Variants in NLRP4 observed in about 807,000 individuals in gnomAD.
NLRP4 encodes NACHT, LRR and PYD domains-containing protein 4.
A neutral mutation model predicts 84.7 loss-of-function variants in NLRP4; 44 were observed. The observed-to-expected ratio is 0.52, with a 90% CI of 0.41 to 0.67. The LOEUF (loss-of-function observed/expected upper bound fraction) is 0.67. NLRP4 is among the 30% of genes least tolerant of loss of function. NLRP4 has a pLI of 0.00. For synonymous variants in NLRP4, 544 were observed against 476.4 expected (o/e 1.14, Z -1.85); for missense variants, 1,260 against 1,219.4 (o/e 1.03, Z -0.50).
chr19:55,838,733 C>A (rs1983492620), intron 1 of NLRP4, among the ~76,000 whole-genome samples: 1 of 152,096 alleles, frequency 6.6e-6, no homozygotes, highest in South Asian at 2.1e-4. Flanking sequence ...GATTTGTACA[C>A]ATTGTACAAA....
At chr19:55,879,427 G>A (rs1251008867) in intron 9 of NLRP4, among the ~76,000 whole-genome samples, 2 of 152,142 alleles carry the variant, frequency 1.3e-5, no homozygotes, top group Non-Finnish European at 2.9e-5. Context: ...TCTACATAGG[G>A]CATGAAAAAC....
chr19:55,847,137 A>G (rs1297659464), intron 1 of NLRP4, among the ~76,000 whole-genome samples: 1 of 149,524 alleles, frequency 6.7e-6, no homozygotes, highest in Non-Finnish European at 1.5e-5. Flanking sequence ...TTTTCTCCAA[A>G]TTACCTATTT....
chr19:55,864,663 G>T (rs1418816329), intron 5 of NLRP4, among the ~76,000 whole-genome samples: 2 of 152,142 alleles, frequency 1.3e-5, no homozygotes, highest in Non-Finnish European at 2.9e-5. Flanking sequence ...GCACAATTCT[G>T]TATTCCTACC....
rs1402575371 is a variant in NLRP4 at position 55,859,349 on chromosome 19, A to G, written c.1856+100A>G. On this transcript the variant is annotated intron_variant, in intron 3 of 9. Transcript: ENST00000301295. ...GTTTAATATAGGATCATGGTTAGAAACTCATTTTTTCTGCCACAAAACCTC... is the reference window on the plus strand; with the variant it reads ...GTTTAATATAGGATCATGGTTAGAAGCTCATTTTTTCTGCCACAAAACCTC... The G allele has an allele frequency of 6.2e-6, 6 of 962,392 alleles. No individual in the cohort carries two copies. In the Admixed American group the frequency reaches 1.5e-4, roughly 24 times the overall value. The allele number at this position is 962,392 out of a possible 1,614,324, so 59.6% of individuals were successfully genotyped here.
Position 55,850,732 on chromosome 19 carries a change from AGGCTGCGGTGTAC to A in NLRP4, c.-65-1283_-65-1271del, listed in dbSNP as rs1568659264. On this transcript the variant is annotated intron_variant, in intron 1 of 9. Transcript: ENST00000301295. ...TCCCGAGGCTGCGGTGTACTTTCCG[AGGCTGCGGTGTAC>A]TTCCCGAGGCTGCGGTGTAATTTCC... Among the ~76,000 whole-genome samples the A allele has an allele frequency of 9.8e-5, 11 of 112,456 alleles. 2 individuals carry two copies. Among genetic ancestry groups the A allele is most frequent in the Admixed American group, 2.8e-4 (3 of 10,602 alleles). 73.8% of individuals were successfully genotyped at this position (112,456 alleles called of 152,430 possible).
At chr19:55,867,903 G>A in intron 6 of NLRP4, 27 bp downstream of exon 6, 2 of 1,606,994 alleles carry the variant, frequency 1.2e-6, no homozygotes, top group Non-Finnish European at 1.7e-6. Flanking sequence ...GGTGCCTACT[G>A]TGGAGGGCCA....
At chr19:55,847,716 C>CTT (rs550137661) in intron 1 of NLRP4, among the ~76,000 whole-genome samples, 4,647 of 135,034 alleles carry the variant, frequency 0.034, 237 homozygotes, top group East Asian at 0.2. Flanking sequence ...ACCTAATATC[C>CTT]TTTTTTTTTT....
intron 1 of NLRP4, among the ~76,000 whole-genome samples, chr19:55,841,539 T>G (rs140995100): frequency 1.6e-3 from 248 of 152,288 alleles, no homozygotes; most frequent in Non-Finnish European, 2.6e-3. Flanking sequence ...TGATAGGCAC[T>G]TAGTTTGTTT....
At chr19:55,855,763 A>T (rs1365539139) in intron 2 of NLRP4, among the ~76,000 whole-genome samples, 1 of 152,266 alleles carries the variant, frequency 6.6e-6, no homozygotes, top group Non-Finnish European at 1.5e-5. Context: ...TAAGGAACAG[A>T]TAACTGTAAA....
chr19:55,854,690 G>A (rs1362382345), intron 2 of NLRP4, among the ~76,000 whole-genome samples: 2 of 151,858 alleles, frequency 1.3e-5, no homozygotes, highest in Non-Finnish European at 2.9e-5. Context: ...TCTTGATTTG[G>A]AACATCACTT....
intron 7 of NLRP4, among the ~76,000 whole-genome samples, chr19:55,875,060 A>T (rs1985318705): frequency 6.6e-6 from 1 of 152,208 alleles, no homozygotes; most frequent in Non-Finnish European, 1.5e-5. Context: ...TAAGACATAC[A>T]ATTCTTGAAA....
intron 6 of NLRP4, 89 bp from the exon 7 acceptor site, chr19:55,870,738 G>T: frequency 4.4e-6 from 4 of 902,346 alleles, no homozygotes; most frequent in Non-Finnish European, 7.1e-6. Context: ...TAAGATTATA[G>T]AAATATTACC....
At chr19:55,873,224 A>C (rs1985255855) in intron 7 of NLRP4, among the ~76,000 whole-genome samples, 1 of 151,422 alleles carries the variant, frequency 6.6e-6, no homozygotes, top group African/African-American at 2.4e-5. Context: ...CTCTGGATAA[A>C]TCTAAACAAA....
At chr19:55,840,477 G>A (rs1260029508) in intron 1 of NLRP4, among the ~76,000 whole-genome samples, 2 of 151,948 alleles carry the variant, frequency 1.3e-5, no homozygotes, top group Non-Finnish European at 2.9e-5. Context: ...TTTGCCTCCC[G>A]GGTTCAAGCA....
In NLRP4 at chr19:55,874,164, C is replaced by CT. The variant is rs1157483847; in HGVS notation, c.2526-2832_2526-2831insT. 2.7e-4 allele frequency among the ~76,000 whole-genome samples: 25 copies of CT among 91,478 alleles called. No individual in the cohort carries two copies. The Admixed American group carries it at 2.9e-3, about 10-fold the overall frequency. 60.0% of individuals were successfully genotyped at this position (91,478 alleles called of 152,430 possible). Reference sequence around the variant, plus strand: ...CATGTAATATTAAATTTTCAAGTAGCCATATTAAAAGTGATGTAATATTTG... The same window carrying CT: ...CATGTAATATTAAATTTTCAAGTAGCTCATATTAAAAGTGATGTAATATTTG... On this transcript the variant is annotated intron_variant, in intron 7 of 9. Coordinates refer to ENST00000301295, the MANE Select transcript of NLRP4 (RefSeq NM_134444.5).
At chr19:55,849,849 CGAGACTGCGGTGT>C (rs1983954696) in intron 1 of NLRP4, among the ~76,000 whole-genome samples, 1 of 146,684 alleles carries the variant, frequency 6.8e-6, no homozygotes, top group African/African-American at 2.5e-5. Flanking sequence ...GTGTAATTTC[CGAGACTGCGGTGT>C]AATTTCCGTG....
chr19:55,872,905 C>CT (rs760987420), intron 7 of NLRP4, among the ~76,000 whole-genome samples: 9 of 151,852 alleles, frequency 5.9e-5, no homozygotes, highest in Admixed American at 3.3e-4. Context: ...TAACAAGGGG[C>CT]TGGGAGCTTG....
intron 1 of NLRP4, among the ~76,000 whole-genome samples, chr19:55,846,188 T>A (rs974431487): frequency 6.6e-6 from 1 of 152,208 alleles, no homozygotes; most frequent in African/African-American, 2.4e-5. Flanking sequence ...CATCTTGAAT[T>A]AATTTTTGTA....
chr19:55,852,554 G>A (rs976236346), intron 2 of NLRP4, among the ~76,000 whole-genome samples, 194 bp downstream of exon 2: 7 of 145,216 alleles, frequency 4.8e-5, no homozygotes, highest in East Asian at 2.1e-4. Context: ...TTGGCTCACC[G>A]CAACCTCCAC....
Sources: allele counts gnomAD v4.1 joint callset (sites outside exome capture counted in the v4.1 genomes callset), GRCh38; gene constraint gnomAD v4.1.1; transcripts MANE v1.5; gene names NCBI Gene and HGNC (gene_info 2026-07-23, HGNC 2026-07-21).